The following PDE1A variants were observed in gnomAD, a reference collection of about 807,000 sequenced individuals.
PDE1A encodes phosphodiesterase 1A, also known as dual specificity calcium/calmodulin-dependent 3',5'-cyclic nucleotide phosphodiesterase 1A.
Under a neutral mutation model 61.7 loss-of-function variants are expected in PDE1A, and 35 were observed. The ratio of observed to expected loss-of-function variants is 0.57; its 90% CI spans 0.43 to 0.75. The LOEUF (loss-of-function observed/expected upper bound fraction) is 0.75. Ranked by LOEUF, PDE1A falls within the 30% of genes least tolerant of loss-of-function variation. The pLI is 0.00. For missense variants in PDE1A, 597 were observed against 630.6 expected (o/e 0.95, Z 0.57); for synonymous variants, 232 against 213.2 (o/e 1.09, Z -0.77).
chr2:182,309,404 A>G (rs1037421990), intron 1 of PDE1A, among the ~76,000 whole-genome samples: 1 of 152,108 alleles, frequency 6.6e-6, no homozygotes, highest in African/African-American at 2.4e-5. Flanking sequence ...ACACCTAACC[A>G]AAACTTAAGG....
chr2:182,500,289 G>T (rs375661415), intron 2 of PDE1A, among the ~76,000 whole-genome samples: 1 of 152,142 alleles, frequency 6.6e-6, no homozygotes, highest in Admixed American at 6.5e-5. Flanking sequence ...CTGATTCACT[G>T]AAGTGGTCAT....
At chr2:182,523,282 T>C (rs781326386), upstream of PDE1A, 1 of 152,074 alleles carries the variant, frequency 6.6e-6, no homozygotes, top group Non-Finnish European at 1.5e-5. Flanking sequence ...GATTTGTGTG[T>C]GTGTGTTTAT....
chr2:182,337,951 A>G (rs1697945669), intron 1 of PDE1A, among the ~76,000 whole-genome samples: 1 of 152,162 alleles, frequency 6.6e-6, no homozygotes, highest in African/African-American at 2.4e-5. Flanking sequence ...GATGTTCCAG[A>G]GCCATTAGGT....
chr2:182,458,724 T>C (rs998399863), intron 2 of PDE1A, among the ~76,000 whole-genome samples: 2 of 152,136 alleles, frequency 1.3e-5, no homozygotes, highest in Non-Finnish European at 2.9e-5. Flanking sequence ...TGGGAAATTA[T>C]GCTTATCTGA....
chr2:182,496,501 G>A (rs565588635), intron 2 of PDE1A, among the ~76,000 whole-genome samples: 1 of 152,300 alleles, frequency 6.6e-6, no homozygotes, highest in East Asian at 1.9e-4. Context: ...AGATAATTTA[G>A]GTTGACTCAT....
intron 2 of PDE1A, among the ~76,000 whole-genome samples, chr2:182,481,683 C>A (rs1396960344): frequency 1.3e-5 from 2 of 151,886 alleles, no homozygotes; most frequent in Admixed American, 1.3e-4. Flanking sequence ...TCCTGGAATG[C>A]AAGAAAAATG....
At chr2:182,464,800 A>T (rs1686543613) in intron 2 of PDE1A, among the ~76,000 whole-genome samples, 1 of 152,042 alleles carries the variant, frequency 6.6e-6, no homozygotes, top group African/African-American at 2.4e-5. Context: ...AACCAACCTA[A>T]TAGGAATCTT....
the PDE1A span, among the ~76,000 whole-genome samples, chr2:182,633,621 AC>A: frequency 6.6e-6 from 1 of 152,164 alleles, no homozygotes; most frequent in Non-Finnish European, 1.5e-5. Flanking sequence ...TGACTTCTGG[AC>A]CCACGGCGTT....
intron 13 of PDE1A, among the ~76,000 whole-genome samples, chr2:182,179,357 A>G (rs908029826): frequency 1.8e-4 from 27 of 152,326 alleles, no homozygotes; most frequent in African/African-American, 6.3e-4. Context: ...TTTAAAAAGC[A>G]TCTTGTTGAG....
chr2:182,576,152 A>G, the PDE1A span, among the ~76,000 whole-genome samples: 4 of 151,978 alleles, frequency 2.6e-5, no homozygotes, highest in African/African-American at 9.7e-5. Context: ...CATTACCACC[A>G]TTCGTCTACA....
the PDE1A span, among the ~76,000 whole-genome samples, chr2:182,533,041 G>A: frequency 1.3e-5 from 2 of 150,428 alleles, no homozygotes; most frequent in African/African-American, 2.4e-5. Context: ...GAGGCCAGGC[G>A]CGGCTCAGTC....
At chr2:182,667,280 C>A in the PDE1A span, among the ~76,000 whole-genome samples, 1 of 152,186 alleles carries the variant, frequency 6.6e-6, no homozygotes, top group African/African-American at 2.4e-5. Context: ...GTCTGATTAC[C>A]TTTACAGTAA....
intron 2 of PDE1A, among the ~76,000 whole-genome samples, chr2:182,258,561 A>C (rs1023248866): frequency 1.3e-5 from 2 of 152,212 alleles, no homozygotes; most frequent in African/African-American, 4.8e-5. Flanking sequence ...CTTGAGTTAT[A>C]ATTCATATCT....
At chr2:182,498,817 G>A (rs1042750487) in intron 2 of PDE1A, among the ~76,000 whole-genome samples, 3 of 151,840 alleles carry the variant, frequency 2.0e-5, no homozygotes, top group Non-Finnish European at 2.9e-5. Context: ...GGTGGCGGGC[G>A]CCTGTAGTCC....
the PDE1A span, among the ~76,000 whole-genome samples, chr2:182,647,361 TA>T: frequency 6.6e-4 from 101 of 152,348 alleles, 1 homozygote; most frequent in African/African-American, 2.3e-3. Flanking sequence ...CTCTTTCCAA[TA>T]AAGCATAGTT....
intron 2 of PDE1A, among the ~76,000 whole-genome samples, chr2:182,449,456 A>C (rs1685369521): frequency 6.6e-6 from 1 of 152,034 alleles, no homozygotes. Flanking sequence ...AGCAGAGGCT[A>C]TAAGAATAAC....
At chr2:182,218,357 C>T (rs989165545) in intron 7 of PDE1A, among the ~76,000 whole-genome samples, 2 of 150,964 alleles carry the variant, frequency 1.3e-5, no homozygotes, top group African/African-American at 4.9e-5. Context: ...CAGCATGGCA[C>T]ATGTATACAT....
chr2:182,254,528 G>GTGATAAGCAT (rs1691633941), intron 2 of PDE1A, among the ~76,000 whole-genome samples: 1 of 152,140 alleles, frequency 6.6e-6, no homozygotes, highest in Admixed American at 6.5e-5. Flanking sequence ...GTTTCCTCCT[G>GTGATAAGCAT]TCACCCTCCT....
chr2:182,419,601 GC>G (rs1352900599), intron 1 of PDE1A, among the ~76,000 whole-genome samples: 1 of 152,130 alleles, frequency 6.6e-6, no homozygotes, highest in Admixed American at 6.6e-5. Context: ...TTTCAGCTAA[GC>G]TCTACTGGCC....
Sources: allele counts gnomAD v4.1 joint callset (sites outside exome capture counted in the v4.1 genomes callset), GRCh38; gene constraint gnomAD v4.1.1; transcripts MANE v1.5; gene names NCBI Gene and HGNC (gene_info 2026-07-23, HGNC 2026-07-21).